PIK3CD: variants seen among roughly 807,000 people sequenced by gnomAD.
The protein encoded by PIK3CD is phosphatidylinositol-4,5-bisphosphate 3-kinase catalytic subunit delta.
Under a neutral mutation model 122.9 loss-of-function variants are expected in PIK3CD, and 20 were observed. That is an observed-to-expected ratio of 0.16 (90% confidence interval 0.11 to 0.24). The LOEUF is 0.24. Among genes scored for constraint, PIK3CD ranks in the 10% least tolerant of loss-of-function variants. The pLI is 1.00. For synonymous variants in PIK3CD, 596 were observed against 593.4 expected (o/e 1.00, Z -0.06); for missense variants, 787 against 1,406.3 (o/e 0.56, Z 7.04).
At chr1:9,698,654 T>C (rs1052700219) in intron 2 of PIK3CD, among the ~76,000 whole-genome samples, 3 of 152,222 alleles carry the variant, frequency 2.0e-5, no homozygotes, top group African/African-American at 7.2e-5. Flanking sequence ...TGTATATAGC[T>C]TTTTTGACTT....
chr1:9,716,702 G>T, intron 6 of PIK3CD, 83 bp downstream of exon 6: 1 of 1,424,012 alleles, frequency 7.0e-7, no homozygotes, highest in South Asian at 1.2e-5. Context: ...CTGACATTTG[G>T]GCGCACCTTG....
intron 2 of PIK3CD, among the ~76,000 whole-genome samples, chr1:9,706,490 C>T (rs6656717): frequency 6.6e-6 from 1 of 152,110 alleles, no homozygotes; most frequent in East Asian, 1.9e-4. Context: ...AAGACCCTAT[C>T]TCAACAGAAA....
At chr1:9,694,119 C>T (rs1393945318) in intron 2 of PIK3CD, among the ~76,000 whole-genome samples, 1 of 152,134 alleles carries the variant, frequency 6.6e-6, no homozygotes, top group Non-Finnish European at 1.5e-5. Context: ...GGTAGCTCCC[C>T]GAACACCGCA....
intron 3 of PIK3CD, among the ~76,000 whole-genome samples, chr1:9,712,495 G>A (rs1353369841): frequency 1.3e-5 from 2 of 152,022 alleles, no homozygotes; most frequent in Non-Finnish European, 2.9e-5. Context: ...TGGCCAGGCT[G>A]GTCTCGAACT....
At chr1:9,713,765 T>TA (rs1253000122) in intron 3 of PIK3CD, among the ~76,000 whole-genome samples, 17 of 151,696 alleles carry the variant, frequency 1.1e-4, no homozygotes, top group African/African-American at 3.1e-4. Flanking sequence ...TAATTTTATT[T>TA]TTTATTATTA....
At chr1:9,655,684 TTTCTTTTTTC>T (rs1644832337) in intron 1 of PIK3CD, among the ~76,000 whole-genome samples, 1 of 147,918 alleles carries the variant, frequency 6.8e-6, no homozygotes. Context: ...TATTACTTTC[TTTCTTTTTTC>T]TTCTTTTTTT....
At chr1:9,694,863 G>C (rs567678930) in intron 2 of PIK3CD, among the ~76,000 whole-genome samples, 1 of 152,294 alleles carries the variant, frequency 6.6e-6, no homozygotes, top group East Asian at 1.9e-4. Context: ...TTGGGAGGCT[G>C]AGGTGGGAGG....
At chr1:9,641,255 G>A in the PIK3CD span, among the ~76,000 whole-genome samples, 41 of 152,210 alleles carry the variant, frequency 2.7e-4, no homozygotes, top group African/African-American at 8.7e-4. Context: ...TGCAAAGCCC[G>A]GGTCACCTCC....
At chr1:9,675,385 CAAAAAAAAAAA>C (rs34447888) in intron 1 of PIK3CD, among the ~76,000 whole-genome samples, 1 of 59,502 alleles carries the variant, frequency 1.7e-5, no homozygotes, top group Non-Finnish European at 3.8e-5. Context: ...GACTCCGTCT[CAAAAAAAAAAA>C]AAAAAAAAAA....
At chr1:9,669,583 C>T (rs1216204551) in intron 1 of PIK3CD, among the ~76,000 whole-genome samples, 2 of 152,124 alleles carry the variant, frequency 1.3e-5, no homozygotes, top group Non-Finnish European at 2.9e-5. Context: ...GCCTCGGCCT[C>T]GCAAAGTACT....
chr1:9,647,448 A>T (rs1644618967), upstream of PIK3CD, among the ~76,000 whole-genome samples: 1 of 150,100 alleles, frequency 6.7e-6, no homozygotes, highest in Non-Finnish European at 1.5e-5. Context: ...CAACAAATCT[A>T]GTTTACAGAT....
intron 1 of PIK3CD, among the ~76,000 whole-genome samples, chr1:9,664,338 T>G (rs926264176): frequency 2.0e-5 from 3 of 152,170 alleles, no homozygotes; most frequent in Non-Finnish European, 4.4e-5. Flanking sequence ...CGTGAACCAC[T>G]GCACCCAGCC....
At chr1:9,711,816 G>T (rs1647064405) in intron 3 of PIK3CD, among the ~76,000 whole-genome samples, 1 of 152,118 alleles carries the variant, frequency 6.6e-6, no homozygotes, top group African/African-American at 2.4e-5. Context: ...TTTCATTTTT[G>T]AAACCACACT....
chr1:9,697,766 C>T (rs568601456), intron 2 of PIK3CD, among the ~76,000 whole-genome samples: 1 of 152,006 alleles, frequency 6.6e-6, no homozygotes, highest in East Asian at 1.9e-4. Flanking sequence ...CGCGGTGGCT[C>T]ACACCTGTAA....
chr1:9,692,729 C>CA (rs1439821171), intron 2 of PIK3CD, among the ~76,000 whole-genome samples: 1 of 151,960 alleles, frequency 6.6e-6, no homozygotes, highest in Non-Finnish European at 1.5e-5. Flanking sequence ...GACTCCGTCT[C>CA]AAAAAAATAA....
chr1:9,717,041 A>T lies in PIK3CD; in HGVS notation c.863A>T (p.Glu288Val). 1 of 1,613,954 alleles carries T rather than the reference A, an allele frequency of 6.2e-7. No individual in the cohort carries two copies. The highest frequency in any genetic ancestry group is 1.1e-5 in the South Asian group (1 of 91,080). Residue 288 changes from glutamate (E) to valine (V), a missense_variant, in exon 7 of 24, where the codon GAG (glutamate) becomes GTG (valine). Physicochemically the swap from Glu to Val is moderately radical, Grantham distance 121 (BLOSUM62 -2). Around this residue, in one of 6 missense-constraint regions of PIK3CD, gnomAD observed 592 missense variants for 920.6 expected, o/e 0.64. Coordinates refer to ENST00000377346, the MANE Select transcript of PIK3CD (RefSeq NM_005026.5). The surrounding 1 kb of genome is among the most constrained non-coding windows in gnomAD (Gnocchi z 5.4). ...TCCTCCATCCTCGCCATGCGGGATG[A>T]GCAGAGCAACCCTGCCCCCCAGGTC... ...HSSSILAMRD[E>V]QSNPAPQVQK...
intron 2 of PIK3CD, among the ~76,000 whole-genome samples, chr1:9,701,952 C>G (rs1233469580): frequency 6.6e-6 from 1 of 151,710 alleles, no homozygotes; most frequent in African/African-American, 2.4e-5. Flanking sequence ...TCTTCTACAG[C>G]TCGACCTGCC....
chr1:9,693,433 A>G (rs1316666408), intron 2 of PIK3CD, among the ~76,000 whole-genome samples: 2 of 151,160 alleles, frequency 1.3e-5, no homozygotes. Context: ...TGGTTTTGCC[A>G]TGTTGGCCAG....
In PIK3CD at chr1:9,718,270, G is replaced by A. The variant is rs1647875078; in HGVS notation, c.1021-424G>A. On this transcript the variant is annotated intron_variant, in intron 8 of 23. Transcript: ENST00000377346. This position sits in a 1 kb window ranked among gnomAD's most constrained non-coding sequence, Gnocchi z 7.2. ...ACTGGATCAGAGGGACTTCCAGGGT[G>A]GTGGTGTCAGGTGGAATTGGAAGGG... 2.2e-6 allele frequency: 1 copy of A among 463,566 alleles called. No individual in the cohort carries two copies. The highest frequency in any genetic ancestry group is 2.0e-5 in the African/African-American group (1 of 50,714). 28.7% of individuals were successfully genotyped at this position (463,566 alleles called of 1,614,324 possible).
Sources: gnomAD v4.1 joint callset for allele counts (sites outside exome capture counted in the v4.1 genomes callset) on GRCh38, gnomAD v4.1.1 for gene constraint, gnomAD v4.1.1 regional missense constraint, Gnocchi (gnomAD v3.1) non-coding constraint, MANE v1.5 for transcripts, NCBI Gene and HGNC (gene_info 2026-07-23, HGNC 2026-07-21) for gene names.